SMOC1: variants seen among roughly 807,000 people sequenced by gnomAD.
SMOC1 encodes the protein SPARC related modular calcium binding 1.
In SMOC1, 22 loss-of-function variants were observed where a neutral mutation model predicts 56.3. The ratio of observed to expected loss-of-function variants is 0.39; its 90% CI spans 0.28 to 0.56. SMOC1 has a LOEUF of 0.56. SMOC1 is among the 20% of genes least tolerant of loss of function. The probability of loss-of-function intolerance (pLI) is 0.61; values close to 1 mark genes in which losing one functional copy is unlikely to be tolerated. For synonymous variants in SMOC1, 193 were observed against 215.0 expected, an observed-to-expected ratio of 0.90 and a Z score of 0.89; for missense variants, 509 against 565.4, an observed-to-expected ratio of 0.90 and a Z score of 1.01.
At chr14:69,954,047 A>T (rs1883102270) in intron 3 of SMOC1, among the ~76,000 whole-genome samples, 1 of 152,128 alleles carries the variant, frequency 6.6e-6, no homozygotes, top group South Asian at 2.1e-4. Flanking sequence ...AGGTATGCAT[A>T]TACTCAGATT....
chr14:69,891,647 C>T (rs1344121800), intron 1 of SMOC1, among the ~76,000 whole-genome samples: 1 of 152,124 alleles, frequency 6.6e-6, no homozygotes, highest in Non-Finnish European at 1.5e-5. Flanking sequence ...CCTGTGCCTG[C>T]CAGCGTTAGT....
intron 1 of SMOC1, among the ~76,000 whole-genome samples, chr14:69,934,339 C>T (rs1416788797): frequency 6.6e-6 from 1 of 152,158 alleles, no homozygotes; most frequent in Non-Finnish European, 1.5e-5. Flanking sequence ...AGTCTGGCAT[C>T]CATCTCCATC....
intron 3 of SMOC1, 33 bp from the exon 4 acceptor site, chr14:69,975,682 A>G: frequency 6.7e-7 from 1 of 1,503,600 alleles, no homozygotes; most frequent in East Asian, 2.3e-5. Context: ...ACCGAGACTT[A>G]TGGTTTTCTT....
intron 7 of SMOC1, among the ~76,000 whole-genome samples, chr14:70,004,702 CTT>C (rs771142474): frequency 2.8e-4 from 42 of 152,310 alleles, no homozygotes; most frequent in Middle Eastern, 6.8e-3. Context: ...CTCTCTCTCT[CTT>C]TATGTATATG....
intron 1 of SMOC1, among the ~76,000 whole-genome samples, chr14:69,935,236 G>A (rs932289047): frequency 6.6e-5 from 10 of 152,206 alleles, no homozygotes; most frequent in Admixed American, 2.0e-4. Flanking sequence ...ATCTGTTTAA[G>A]GTAAAGCAAC....
At chr14:69,977,894 T>A (rs1011573047) in intron 4 of SMOC1, 24 bp from the exon 5 acceptor site, 1 of 1,611,924 alleles carries the variant, frequency 6.2e-7, no homozygotes, top group Non-Finnish European at 8.5e-7. Context: ...AGTGGCTATG[T>A]TTTTGTTTCC....
intron 1 of SMOC1, among the ~76,000 whole-genome samples, chr14:69,926,259 C>T (rs1413750321): frequency 2.0e-5 from 3 of 152,118 alleles, no homozygotes; most frequent in Admixed American, 6.5e-5. Flanking sequence ...AATTGTGTTC[C>T]GATTTTGGCA....
chr14:69,879,825 T>A, intron 1 of SMOC1, 48 bp downstream of exon 1: 1 of 1,473,130 alleles, frequency 6.8e-7, no homozygotes, highest in Non-Finnish European at 9.1e-7. Flanking sequence ...GAGGGGAGGT[T>A]GCTTCCCCCC....
At chr14:69,923,062 A>G (rs1351549614) in intron 1 of SMOC1, among the ~76,000 whole-genome samples, 1 of 151,708 alleles carries the variant, frequency 6.6e-6, no homozygotes, top group Non-Finnish European at 1.5e-5. Context: ...CTCCTGCCTC[A>G]GCCTCCCGAG....
At chr14:70,017,350 G>A (rs1234322570) in intron 10 of SMOC1, among the ~76,000 whole-genome samples, 1 of 152,192 alleles carries the variant, frequency 6.6e-6, no homozygotes, top group Non-Finnish European at 1.5e-5. Flanking sequence ...GAGGAGCAGA[G>A]GTATGAGGCA....
chr14:69,931,375 A>G (rs1386387602), intron 1 of SMOC1, among the ~76,000 whole-genome samples: 6 of 152,174 alleles, frequency 3.9e-5, no homozygotes, highest in Admixed American at 3.9e-4. Flanking sequence ...CAAGACCTTC[A>G]GCTCCACTCG....
intron 1 of SMOC1, among the ~76,000 whole-genome samples, chr14:69,891,993 G>A (rs935880920): frequency 3.3e-5 from 5 of 152,046 alleles, no homozygotes; most frequent in South Asian, 2.1e-4. Context: ...TTAAAAAATA[G>A]GGATGGTAAG....
intron 5 of SMOC1, among the ~76,000 whole-genome samples, chr14:69,984,420 G>A (rs10140220): frequency 0.031 from 4,773 of 152,246 alleles, 146 homozygotes; most frequent in African/African-American, 0.073. Flanking sequence ...TCTGCAAAAA[G>A]TGCTGTTAGA....
chr14:70,007,949 C>T (rs10134965), intron 7 of SMOC1, among the ~76,000 whole-genome samples: 39,653 of 152,022 alleles, frequency 0.26, 6,269 homozygotes, highest in East Asian at 0.41. Context: ...TATGATAAAT[C>T]ACTCCTGTCT....
rs1156686810 is a variant in SMOC1 at position 70,030,839 on chromosome 14, A to G, written c.*581A>G. The G allele has an allele frequency of 2.0e-5, 3 of 152,528 alleles. No homozygotes were observed. The highest frequency in any genetic ancestry group is 2.9e-5 in the Non-Finnish European group (2 of 68,432). 9.4% of individuals were successfully genotyped at this position (152,528 alleles called of 1,614,324 possible). A position where few individuals can be genotyped will look rare whatever the true frequency, so the allele number is the denominator to read the frequency against. ...CCACGAGTTCTTTTCTGGTGGGAGGACTATATTGCCCCATGCCATTAGTTG... is the reference window on the plus strand; with the variant it reads ...CCACGAGTTCTTTTCTGGTGGGAGGGCTATATTGCCCCATGCCATTAGTTG... On this transcript the variant is annotated 3_prime_UTR_variant, in exon 12 of 12. Transcript: ENST00000361956.
intron 10 of SMOC1, among the ~76,000 whole-genome samples, chr14:70,013,912 T>G (rs982376771): frequency 2.0e-5 from 3 of 152,192 alleles, no homozygotes; most frequent in Non-Finnish European, 2.9e-5. Flanking sequence ...CAAATGCCTT[T>G]TTGGCATCCT....
chr14:69,944,737 C>G (rs1226273949), intron 1 of SMOC1, among the ~76,000 whole-genome samples: 2 of 152,144 alleles, frequency 1.3e-5, no homozygotes, highest in Non-Finnish European at 2.9e-5. Context: ...GTCTCAGATA[C>G]TGCCCGAGTT....
At chr14:69,907,821 T>C (rs1884450353) in intron 1 of SMOC1, among the ~76,000 whole-genome samples, 1 of 152,168 alleles carries the variant, frequency 6.6e-6, no homozygotes. Context: ...ATCTATAAGG[T>C]TCCTTATAGA....
intron 11 of SMOC1, among the ~76,000 whole-genome samples, chr14:70,027,307 C>A (rs1490876192): frequency 1.2e-4 from 19 of 152,130 alleles, no homozygotes; most frequent in Non-Finnish European, 4.4e-5. Flanking sequence ...GAGAAGGACC[C>A]CAGTGTGTTT....
Sources: gnomAD v4.1 joint callset for allele counts (sites outside exome capture counted in the v4.1 genomes callset) on GRCh38, gnomAD v4.1.1 for gene constraint, MANE v1.5 for transcripts, NCBI Gene and HGNC (gene_info 2026-07-23, HGNC 2026-07-21) for gene names.